AHNAK: variants seen among roughly 807,000 people sequenced by gnomAD.
The protein encoded by AHNAK is neuroblast differentiation-associated protein AHNAK.
In AHNAK, 23 loss-of-function variants were observed where a neutral mutation model predicts 37.8. The observed-to-expected ratio is 0.61, with a 90% CI of 0.44 to 0.86. AHNAK has a LOEUF of 0.86. AHNAK is among the 40% of genes least tolerant of loss of function. The pLI, the probability that AHNAK is intolerant of heterozygous loss-of-function variation, is 0.00. For synonymous variants in AHNAK, 2,481 were observed against 2,636.3 expected (o/e 0.94, Z 1.80); for missense variants, 7,411 against 7,319.4 (o/e 1.01, Z -0.46).
At chr11:62,504,533 C>T (rs969107050) in intron 4 of AHNAK, among the ~76,000 whole-genome samples, 3 of 152,146 alleles carry the variant, frequency 2.0e-5, no homozygotes, top group African/African-American at 7.2e-5. Flanking sequence ...AGAAAATGCC[C>T]TGGCGTTATT....
intron 5 of AHNAK, among the ~76,000 whole-genome samples, chr11:62,455,256 A>G (rs1238375583): frequency 6.6e-6 from 1 of 151,780 alleles, no homozygotes; most frequent in African/African-American, 2.4e-5. Flanking sequence ...AAATGCACCA[A>G]CTAGCTCCGC....
At chr11:62,511,596 G>C (rs1225461067), downstream of AHNAK, among the ~76,000 whole-genome samples, 1 of 152,168 alleles carries the variant, frequency 6.6e-6, no homozygotes, top group Admixed American at 6.5e-5. Flanking sequence ...AGAGCTTCCC[G>C]AGGTGACCAC....
chr11:62,543,019 G>T (rs1254165770), intron 1 of AHNAK, among the ~76,000 whole-genome samples: 1 of 151,986 alleles, frequency 6.6e-6, no homozygotes, highest in African/African-American at 2.4e-5. Flanking sequence ...CCCGAGCCCC[G>T]CCAGGACACG....
At chr11:62,509,019 T>G (rs1038579755) in intron 4 of AHNAK, among the ~76,000 whole-genome samples, 2 of 152,212 alleles carry the variant, frequency 1.3e-5, no homozygotes, top group Non-Finnish European at 2.9e-5. Context: ...ATGGAGAAAC[T>G]TAGCAATCTC....
intron 5 of AHNAK, among the ~76,000 whole-genome samples, chr11:62,463,971 T>C (rs925757247): frequency 2.0e-5 from 3 of 151,636 alleles, no homozygotes; most frequent in East Asian, 2.0e-4. Flanking sequence ...GGCTTCACCA[T>C]GTTGGCCAGG....
Position 62,528,595 on chromosome 11 carries a change from T to C in AHNAK, c.5822A>G (p.Asp1941Gly). ...TCCCTCCAATTTTGGCACCGACACA[T>C]CCACATCCCCTTTGACTTTGGGGCC... is the stretch of plus-strand genomic sequence containing the variant. ...LKGPKVKGDVDVSVPKLEGDL... is the reference protein window; with the variant it reads ...LKGPKVKGDVGVSVPKLEGDL... Residue 1941 changes from aspartate to glycine, a missense_variant, in exon 5 of 5, where the codon GAT becomes GGT. By Grantham distance (94) the Asp-to-Gly change is moderately conservative. Transcript: ENST00000378024. The C allele has an allele frequency of 6.2e-7, 1 of 1,610,114 alleles. No homozygotes were observed. The highest frequency in any genetic ancestry group is 1.3e-5 in the African/African-American group (1 of 74,310).
Position 62,517,601 on chromosome 11 carries a change from G to C in AHNAK, c.16816C>G (p.Leu5606Val), listed in dbSNP as rs1044381193. Residue 5606 changes from leucine (L) to valine (V), a missense_variant, in exon 5 of 5, where the codon CTC (leucine) becomes GTC (valine). By Grantham distance (32) the Leu-to-Val change is conservative. Transcript: ENST00000378024. Reference sequence around the variant, plus strand: ...GCAAACTTAGATGTGTCCAAGTTGAGAGCAGAGGAGACTTGGGGTCCCTTC... The same window carrying C: ...GCAAACTTAGATGTGTCCAAGTTGACAGCAGAGGAGACTTGGGGTCCCTTC... Reference protein sequence around the residue: ...EWKGPQVSSALNLDTSKFAGG... With the variant: ...EWKGPQVSSAVNLDTSKFAGG... The C allele has an allele frequency of 1.9e-6, 3 of 1,614,158 alleles. No individual in the cohort carries two copies. The highest frequency in any genetic ancestry group is 2.5e-6 in the Non-Finnish European group (3 of 1,180,040).
rs114623636 is a variant in AHNAK at position 62,516,310 on chromosome 11, C to T, written c.*434G>A. ...GTCTCAGGAAAGAGGAAGACCTGAC[C>T]TCCGTCTGCAACCCATCACCCCACC... is the stretch of plus-strand genomic sequence containing the variant. On this transcript the variant is annotated 3_prime_UTR_variant, in exon 5 of 5. Coordinates refer to ENST00000378024, the MANE Select transcript of AHNAK (RefSeq NM_001620.3). 1,937 of 1,289,446 alleles carry T rather than the reference C, an allele frequency of 1.5e-3. 36 individuals are homozygous for T. In the African/African-American group the frequency reaches 0.026, roughly 17 times the overall value. 79.9% of individuals were successfully genotyped at this position (1,289,446 alleles called of 1,614,324 possible). A position where few individuals can be genotyped will look rare whatever the true frequency, so the allele number is the denominator to read the frequency against.
intron 1 of AHNAK, among the ~76,000 whole-genome samples, chr11:62,543,069 C>T (rs1319856622): frequency 6.6e-6 from 1 of 152,174 alleles, no homozygotes; most frequent in African/African-American, 2.4e-5. Flanking sequence ...TTCCCCTTCC[C>T]CCAGAACCTC....
At chr11:62,538,291 G>A (rs757236917) in intron 1 of AHNAK, among the ~76,000 whole-genome samples, 16 of 152,242 alleles carry the variant, frequency 1.1e-4, no homozygotes, top group Admixed American at 2.6e-4. Flanking sequence ...CAGGCCTCCC[G>A]GCTGCCACAC....
At chr11:62,463,148 G>C (rs1043539616) in intron 5 of AHNAK, among the ~76,000 whole-genome samples, 2 of 140,474 alleles carry the variant, frequency 1.4e-5, no homozygotes, top group African/African-American at 5.3e-5. Context: ...AAAAAAAAGA[G>C]TTGGCTTCTG....
At position 62,497,232 on chromosome 11, in the gene AHNAK, G is replaced by T. The variant is rs117035810; in HGVS notation, c.343-5401C>A. Among the ~76,000 whole-genome samples the T allele has an allele frequency of 1.4e-3, 215 of 152,324 alleles. 1 individual carries two copies. Among genetic ancestry groups the T allele is most frequent in the Non-Finnish European group, 2.6e-3 (175 of 68,028 alleles). The stretch of plus-strand genomic sequence containing the variant: ...GATCAAAGGAGGAATCCAAAGGCCA[G>T]TGCACCATGCAGCCTGGGACTGAAT... On this transcript the variant is annotated intron_variant, in intron 4 of 5. Coordinates refer to the AHNAK transcript ENST00000257247.
In AHNAK at chr11:62,471,555, A is replaced by G. The variant is rs553955555; in HGVS notation, c.442+20177T>C. Among the ~76,000 whole-genome samples, 4 of 152,302 alleles carry G rather than the reference A, an allele frequency of 2.6e-5. No individual in the cohort carries two copies. The South Asian group carries it at 8.3e-4, about 32-fold the overall frequency. On this transcript the variant is annotated intron_variant, in intron 5 of 5. Transcript: ENST00000257247. ...CCTGTCACATGAGGTCAGGTGTGGA[A>G]TTTTCCATTTGTGGCATCATGTCAG...
In AHNAK at chr11:62,528,149, C is replaced by G. The variant is rs781180337; in HGVS notation, c.6268G>C (p.Asp2090His). 3.1e-6 allele frequency: 5 copies of G among 1,613,136 alleles called. No homozygotes were observed. The highest frequency in any genetic ancestry group is 4.2e-6 in the Non-Finnish European group (5 of 1,179,884). The change falls in exon 5 of 5, where the codon GAT becomes CAT. Residue 2090 changes from aspartate to histidine, a missense_variant. Transcript: ENST00000378024. ...CCTTCTGGACCTTCAAGGCTCACAT[C>G]TGGGACTTCAACATCCACCTTGGGT... ...SGPKVDVEVP[D>H]VSLEGPEGKL...
At chr11:62,506,808 G>A (rs1212723845) in intron 4 of AHNAK, among the ~76,000 whole-genome samples, 3 of 152,154 alleles carry the variant, frequency 2.0e-5, no homozygotes, top group African/African-American at 4.8e-5. Context: ...GGGTGGCCCG[G>A]GGCAGGAGAG....
rs144102956 is a variant in AHNAK at position 62,520,491 on chromosome 11, G to A, written c.13926C>T (p.Asp4642=). 3.8e-5 allele frequency: 62 copies of A among 1,613,748 alleles called. No homozygotes were observed. In the East Asian group the frequency reaches 9.6e-4, roughly 25 times the overall value. Residue 4642 remains aspartate, a synonymous_variant, in exon 5 of 5, where the codon GAC becomes GAT. Transcript: ENST00000378024. ...TTAGGTGCCAGTCTGGGCCTTGAACGTCCACATCTGGGACATCAATGTCCA... is the reference window on the plus strand; with the variant it reads ...TTAGGTGCCAGTCTGGGCCTTGAACATCCACATCTGGGACATCAATGTCCA... ...PKVDIDVPDV[D]VQGPDWHLKM...
intron 5 of AHNAK, among the ~76,000 whole-genome samples, chr11:62,476,739 AACG>A (rs1352322679): frequency 4.6e-5 from 7 of 152,336 alleles, no homozygotes; most frequent in African/African-American, 1.4e-4. Context: ...GTGGATTTTA[AACG>A]ACAACTGTCG....
At chr11:62,498,598 TAAAAAAAAAAA>T (rs753394652) in intron 4 of AHNAK, among the ~76,000 whole-genome samples, 1 of 120,910 alleles carries the variant, frequency 8.3e-6, no homozygotes, top group Non-Finnish European at 1.8e-5. Context: ...AGACTCACTC[TAAAAAAAAAAA>T]AAAAAGAAAT....
rs1940590847 is a variant in AHNAK at position 62,528,433 on chromosome 11, T to A, written c.5984A>T (p.Asp1995Val). The A allele has an allele frequency of 6.2e-7, 1 of 1,613,630 alleles. No homozygotes were observed. Residue 1995 changes from aspartate (D) to valine (V), a missense_variant, in exon 5 of 5, where the codon GAC (aspartate) becomes GTC (valine). Coordinates refer to ENST00000378024, the MANE Select transcript of AHNAK (RefSeq NM_001620.3). ...GACTTTGGGGCCTTTCAGGTGTAAG[T>A]CCACATCAGGCATGGAGATCTTGGG... ...KTPKISMPDVDLHLKGPKVKG... is the reference protein window; with the variant it reads ...KTPKISMPDVVLHLKGPKVKG...
Sources: allele counts gnomAD v4.1 joint callset (sites outside exome capture counted in the v4.1 genomes callset), GRCh38; gene constraint gnomAD v4.1.1; transcripts MANE v1.5; gene names NCBI Gene and HGNC (gene_info 2026-07-23, HGNC 2026-07-21).